Variants in KCNQ4 observed in about 807,000 individuals in gnomAD.
The protein encoded by KCNQ4 is potassium voltage-gated channel subfamily Q member 4.
Under a neutral mutation model 72.6 loss-of-function variants are expected in KCNQ4, and 31 were observed. That is an observed-to-expected ratio of 0.43 (90% CI 0.32 to 0.58). KCNQ4 has a LOEUF of 0.58. Among genes scored for constraint, KCNQ4 ranks in the 20% least tolerant of loss-of-function variants. The pLI is 0.08. For missense variants in KCNQ4, 869 were observed against 962.6 expected (o/e 0.90, Z 1.29); for synonymous variants, 405 against 403.7 (o/e 1.00, Z -0.04).
intron 8 of KCNQ4, among the ~76,000 whole-genome samples, chr1:40,823,157 G>A (rs1342637494): frequency 2.0e-5 from 3 of 152,208 alleles, no homozygotes; most frequent in Non-Finnish European, 2.9e-5. Flanking sequence ...GCTGTTGCGC[G>A]ATTCCACTCG....
At chr1:40,820,069 G>A (rs1441580427) in intron 6 of KCNQ4, 84 bp downstream of exon 6, 2 of 1,531,208 alleles carry the variant, frequency 1.3e-6, no homozygotes, top group Non-Finnish European at 1.8e-6. Flanking sequence ...GGGGAGCCTG[G>A]GGTACCTCAG....
In KCNQ4 at chr1:40,794,627, C is replaced by T. The variant is rs922412728; in HGVS notation, c.314+10220C>T. ...ACTGAGGAGAATAAGGACGGGGTGG[C>T]GACTCTTTCATAAAGCTAAATTTAT... On this transcript the variant is annotated intron_variant, in intron 1 of 13. Coordinates refer to ENST00000347132, the MANE Select transcript of KCNQ4 (RefSeq NM_004700.4). The surrounding 1 kb of genome is among the most constrained non-coding windows in gnomAD (Gnocchi z 4.2). Among the ~76,000 whole-genome samples, 42 of 152,100 alleles carry T rather than the reference C, an allele frequency of 2.8e-4. No individual in the cohort carries two copies. The highest frequency in any genetic ancestry group is 2.6e-4 in the Non-Finnish European group (18 of 68,008).
chr1:40,838,672 G>C lies in KCNQ4; in HGVS notation c.*149G>C, dbSNP rs1303742356. 2.6e-6 allele frequency: 2 copies of C among 761,880 alleles called. No individual in the cohort carries two copies. The highest frequency in any genetic ancestry group is 4.2e-5 in the Admixed American group (2 of 47,932). The allele number at this position is 761,880 out of a possible 1,614,324, so 47.2% of individuals were successfully genotyped here. A position where few individuals can be genotyped will look rare whatever the true frequency, so the allele number is the denominator to read the frequency against. On this transcript the variant is annotated 3_prime_UTR_variant, in exon 14 of 14. Coordinates refer to ENST00000347132, the MANE Select transcript of KCNQ4 (RefSeq NM_004700.4). The stretch of plus-strand genomic sequence containing the variant: ...GCAGTATTGAGCTGCCTGAGTGGGC[G>C]TGGTACCTGCTGTGGGTGCCAGCGC...
intron 1 of KCNQ4, among the ~76,000 whole-genome samples, chr1:40,814,211 G>T (rs540012027): frequency 2.0e-5 from 3 of 151,378 alleles, no homozygotes; most frequent in Non-Finnish European, 2.9e-5. Context: ...CTACCAACAC[G>T]CCTGGCTAAC....
chr1:40,829,043 C>T (rs1355793913), intron 9 of KCNQ4, among the ~76,000 whole-genome samples: 1 of 152,256 alleles, frequency 6.6e-6, no homozygotes, highest in Non-Finnish European at 1.5e-5. Context: ...CTGCTGAGTG[C>T]AAGCTCAGCC....
At position 40,824,738 on chromosome 1, in the gene KCNQ4, G is replaced by A. The variant is rs188651549; in HGVS notation, c.1292+480G>A. Among the ~76,000 whole-genome samples, 320 of 152,260 alleles carry A rather than the reference G, an allele frequency of 2.1e-3. 1 individual carries two copies. The highest frequency in any genetic ancestry group is 7.4e-3 in the African/African-American group (306 of 41,536). On this transcript the variant is annotated intron_variant, in intron 9 of 13. Coordinates refer to ENST00000347132, the MANE Select transcript of KCNQ4 (RefSeq NM_004700.4). ...CTAGGAGGGACTTAGTACTGAACTCGCCTCTTGGGAACGAGATGCCAGCTG... is the reference window on the plus strand; with the variant it reads ...CTAGGAGGGACTTAGTACTGAACTCACCTCTTGGGAACGAGATGCCAGCTG...
intron 7 of KCNQ4, 21 bp from the exon 8 acceptor site, chr1:40,822,293 C>A: frequency 6.2e-7 from 1 of 1,607,984 alleles, no homozygotes; most frequent in Non-Finnish European, 8.5e-7. Context: ...GCCCCATCCC[C>A]CACGTCCCCC....
At chr1:40,818,465 G>T (rs760497486) in intron 3 of KCNQ4, 40 bp from the exon 4 acceptor site, 1 of 1,598,380 alleles carries the variant, frequency 6.3e-7, no homozygotes, top group Admixed American at 1.7e-5. Context: ...TCCGTGCGCG[G>T]GGTAGGCTGG....
intron 1 of KCNQ4, among the ~76,000 whole-genome samples, chr1:40,803,562 T>A (rs1647648240): frequency 6.6e-6 from 1 of 152,194 alleles, no homozygotes; most frequent in South Asian, 2.1e-4. Context: ...GAAGAGTATC[T>A]GCAGATGTCC....
intron 11 of KCNQ4, among the ~76,000 whole-genome samples, chr1:40,833,833 C>A (rs1056053252): frequency 8.8e-3 from 878 of 99,532 alleles, no homozygotes; most frequent in African/African-American, 0.01. Flanking sequence ...CTTGTCTTTG[C>A]AAAAAAAAAA....
At chr1:40,803,945 CTGCCCTCCACGG>C (rs1298948611) in intron 1 of KCNQ4, among the ~76,000 whole-genome samples, 2 of 152,348 alleles carry the variant, frequency 1.3e-5, no homozygotes, top group East Asian at 3.9e-4. Flanking sequence ...CCAGGGAACT[CTGCCCTCCACGG>C]TGCTCCTCTT....
In KCNQ4 at chr1:40,798,692, G is replaced by A. The variant is rs540641431; in HGVS notation, c.314+14285G>A. On this transcript the variant is annotated intron_variant, in intron 1 of 13. Coordinates refer to ENST00000347132, the MANE Select transcript of KCNQ4 (RefSeq NM_004700.4). ...CTGCGCTCTCAGCGAAAATCAGTTG[G>A]TGTCTCAACGAGACCCATCGTCAGC... Among the ~76,000 whole-genome samples, 38 of 152,332 alleles carry A rather than the reference G, an allele frequency of 2.5e-4. No homozygotes were observed. In the East Asian group the frequency reaches 7.3e-3, roughly 29 times the overall value.
At chr1:40,818,136 A>G in intron 2 of KCNQ4, 28 bp from the exon 3 acceptor site, 1 of 1,613,658 alleles carries the variant, frequency 6.2e-7, no homozygotes, top group South Asian at 1.1e-5. Flanking sequence ...GAGACTGAGG[A>G]CCAGAACTCA....
At position 40,784,506 on chromosome 1, in the gene KCNQ4, C is replaced by T. The variant is rs555705486; in HGVS notation, c.314+99C>T. ...CTGGCTCCGCCTTCTACCCCCCTGC[C>T]TCAGGGCCGACCCTCATCTCTCTCC... On this transcript the variant is annotated intron_variant, in intron 1 of 13. Coordinates refer to ENST00000347132, the MANE Select transcript of KCNQ4 (RefSeq NM_004700.4). This position sits in a 1 kb window ranked among gnomAD's most constrained non-coding sequence, Gnocchi z 4.1. The T allele has an allele frequency of 4.5e-5, 53 of 1,175,382 alleles. No individual in the cohort carries two copies. The South Asian group carries it at 6.0e-4, about 13-fold the overall frequency. 72.8% of individuals were successfully genotyped at this position (1,175,382 alleles called of 1,614,324 possible).
In KCNQ4 at chr1:40,784,871, G is replaced by A. The variant is rs1174485106; in HGVS notation, c.314+464G>A. Among the ~76,000 whole-genome samples the A allele has an allele frequency of 6.6e-6, 1 of 152,212 alleles. No homozygotes were observed. The highest frequency in any genetic ancestry group is 2.4e-5 in the African/African-American group (1 of 41,450). ...TCTGAGCTATGAAGGGCTCCCCTCAGGGGTGCTCCTCTCCAGGGCGGCCCT... is the reference window on the plus strand; with the variant it reads ...TCTGAGCTATGAAGGGCTCCCCTCAAGGGTGCTCCTCTCCAGGGCGGCCCT... On this transcript the variant is annotated intron_variant, in intron 1 of 13. Coordinates refer to ENST00000347132, the MANE Select transcript of KCNQ4 (RefSeq NM_004700.4). The surrounding 1 kb of genome is among the most constrained non-coding windows in gnomAD (Gnocchi z 4.1).
rs797044966 is a variant in KCNQ4, at chr1:40,819,438, TCTC to T, written c.806_808del (p.Ser269del). On this transcript the variant is annotated inframe_deletion, in exon 5 of 14. Coordinates refer to ENST00000347132, the MANE Select transcript of KCNQ4 (RefSeq NM_004700.4). ...GCTGAGAAGGACGCCAACTCCGACT[TCTC>T]CTCCTACGCCGACTCGCTCTGGTGG... 3.1e-6 allele frequency: 5 copies of T among 1,613,572 alleles called. No individual in the cohort carries two copies. Among genetic ancestry groups the T allele is most frequent in the Non-Finnish European group, 3.4e-6 (4 of 1,179,890 alleles).
At chr1:40,793,912 GC>G (rs1437952233) in intron 1 of KCNQ4, among the ~76,000 whole-genome samples, 1 of 152,124 alleles carries the variant, frequency 6.6e-6, no homozygotes. Context: ...TGTTCACCCA[GC>G]CCTGTGCGTT....
chr1:40,821,228 A>G (rs1185370986), intron 7 of KCNQ4, among the ~76,000 whole-genome samples: 1 of 152,188 alleles, frequency 6.6e-6, no homozygotes, highest in Non-Finnish European at 1.5e-5. Flanking sequence ...TGGTGCCCAT[A>G]ATTAATGAGA....
At chr1:40,814,746 G>A (rs1003443577) in intron 1 of KCNQ4, among the ~76,000 whole-genome samples, 1 of 151,974 alleles carries the variant, frequency 6.6e-6, no homozygotes, top group African/African-American at 2.4e-5. Flanking sequence ...ATACAGATAA[G>A]CAGAAAGCAA....
Sources: allele counts gnomAD v4.1 joint callset (sites outside exome capture counted in the v4.1 genomes callset), GRCh38; gene constraint gnomAD v4.1.1; non-coding constraint Gnocchi (gnomAD v3.1); transcripts MANE v1.5; gene names NCBI Gene and HGNC (gene_info 2026-07-23, HGNC 2026-07-21).